The following PPP3R1 variants were observed in gnomAD, a reference collection of about 807,000 sequenced individuals.
PPP3R1 encodes calcineurin subunit B type 1.
PPP3R1 carries 5 observed loss-of-function variants against 22.6 expected under a neutral mutation model. The ratio of observed to expected loss-of-function variants is 0.22; its 90% CI spans 0.12 to 0.46. The LOEUF (loss-of-function observed/expected upper bound fraction) is 0.46. Ranked by LOEUF, PPP3R1 falls within the 20% of genes least tolerant of loss-of-function variation. The pLI is 0.99. For missense variants in PPP3R1, 61 were observed against 203.2 expected (o/e 0.30, Z 4.25); for synonymous variants, 56 against 65.2 (o/e 0.86, Z 0.68).
At chr2:68,211,406 CAA>C (rs3979551) in intron 2 of PPP3R1, among the ~76,000 whole-genome samples, 4 of 77,406 alleles carry the variant, frequency 5.2e-5, no homozygotes, top group Non-Finnish European at 6.9e-5. Flanking sequence ...GACTCTGTCT[CAA>C]AAAAAAAAAA....
chr2:68,200,366 C>T (rs1198701474), intron 2 of PPP3R1, among the ~76,000 whole-genome samples: 1 of 152,142 alleles, frequency 6.6e-6, no homozygotes, highest in African/African-American at 2.4e-5. Context: ...CTAAAAATGA[C>T]CAACACACTA....
intron 1 of PPP3R1, among the ~76,000 whole-genome samples, chr2:68,240,237 C>T (rs1037124516): frequency 3.3e-5 from 5 of 152,150 alleles, no homozygotes; most frequent in African/African-American, 9.7e-5. Flanking sequence ...AGACAAACGA[C>T]CTGTAACCAA....
chr2:68,215,290 A>T lies in PPP3R1; in HGVS notation c.43+1802T>A, dbSNP rs1316245866. Among the ~76,000 whole-genome samples, 4 of 151,564 alleles carry T rather than the reference A, an allele frequency of 2.6e-5. No individual in the cohort carries two copies. In the South Asian group the frequency reaches 8.3e-4, roughly 32 times the overall value. ...ACCCATGAACCTAAAATAAAAGTTT[A>T]AAAAAAAACATGAGGTACACCTATA... On this transcript the variant is annotated intron_variant, in intron 2 of 5. Transcript: ENST00000234310.
intron 2 of PPP3R1, among the ~76,000 whole-genome samples, chr2:68,198,285 G>A (rs13004649): frequency 0.72 from 95,556 of 133,182 alleles, 34,740 homozygotes; most frequent in African/African-American, 0.86. Context: ...ATGCATGTAT[G>A]TGTATACACA....
chr2:68,239,126 T>C (rs1670071680), intron 1 of PPP3R1, among the ~76,000 whole-genome samples: 2 of 152,164 alleles, frequency 1.3e-5, no homozygotes, highest in African/African-American at 4.8e-5. Context: ...AGTTGTGCAA[T>C]AAATTGTTCC....
chr2:68,198,266 CAT>C (rs202114062), intron 2 of PPP3R1, among the ~76,000 whole-genome samples: 2,228 of 144,658 alleles, frequency 0.015, 42 homozygotes, highest in Middle Eastern at 0.041. Context: ...TGTATACATA[CAT>C]ATGTGTATGC....
intron 1 of PPP3R1, among the ~76,000 whole-genome samples, chr2:68,221,044 A>C (rs1669679250): frequency 6.6e-6 from 1 of 151,946 alleles, no homozygotes; most frequent in Non-Finnish European, 1.5e-5. Flanking sequence ...CAAAAAATAC[A>C]AAAAAGGCCA....
chr2:68,225,009 C>A (rs577745252), intron 1 of PPP3R1, among the ~76,000 whole-genome samples: 3 of 152,260 alleles, frequency 2.0e-5, no homozygotes, highest in Non-Finnish European at 4.4e-5. Context: ...AGGCAACTGG[C>A]ATAATAAATA....
At chr2:68,202,669 C>T (rs1289410955) in intron 2 of PPP3R1, among the ~76,000 whole-genome samples, 1 of 151,944 alleles carries the variant, frequency 6.6e-6, no homozygotes, top group Non-Finnish European at 1.5e-5. Context: ...AGGTGATCCA[C>T]TTGCCTCGGT....
chr2:68,228,318 G>A lies in PPP3R1; in HGVS notation c.4-11187C>T, dbSNP rs144417332. 3.3e-5 allele frequency among the ~76,000 whole-genome samples: 5 copies of A among 152,228 alleles called. No individual in the cohort carries two copies. The South Asian group carries it at 6.2e-4, about 19-fold the overall frequency. On this transcript the variant is annotated intron_variant, in intron 1 of 5. Coordinates refer to ENST00000234310, the MANE Select transcript of PPP3R1 (RefSeq NM_000945.4). ...TTTTAAGGATTTCTGCATCTACACT[G>A]ACATGAGGATGTTGGTCCATAGTTA...
chr2:68,190,085 T>C (rs1674629373), intron 2 of PPP3R1, among the ~76,000 whole-genome samples: 1 of 150,682 alleles, frequency 6.6e-6, no homozygotes, highest in Admixed American at 6.6e-5. Flanking sequence ...TATATTAAAA[T>C]AGAACTATAT....
At chr2:68,232,740 G>C (rs111564554) in intron 1 of PPP3R1, among the ~76,000 whole-genome samples, 5,128 of 151,990 alleles carry the variant, frequency 0.034, 259 homozygotes, top group African/African-American at 0.11. Context: ...TCGAGTAGCT[G>C]GGATTACAGG....
chr2:68,203,364 G>A (rs1329380135), intron 2 of PPP3R1, among the ~76,000 whole-genome samples: 2 of 152,210 alleles, frequency 1.3e-5, no homozygotes, highest in South Asian at 2.1e-4. Context: ...CACTTTGGGA[G>A]GCCAAGGCGG....
At chr2:68,242,545 A>G (rs538271199) in intron 1 of PPP3R1, among the ~76,000 whole-genome samples, 2 of 152,352 alleles carry the variant, frequency 1.3e-5, no homozygotes, top group East Asian at 1.9e-4. Flanking sequence ...TCCTCTGATT[A>G]TAAGTTCACT....
chr2:68,186,407 T>G, intron 5 of PPP3R1, 61 bp downstream of exon 5: 1 of 1,452,804 alleles, frequency 6.9e-7, no homozygotes, highest in Non-Finnish European at 9.3e-7. Context: ...CTCTATTAAG[T>G]GGTTTTTAAA....
intron 1 of PPP3R1, among the ~76,000 whole-genome samples, chr2:68,234,259 C>T (rs936407116): frequency 2.6e-5 from 4 of 151,958 alleles, no homozygotes; most frequent in Middle Eastern, 3.4e-3. Flanking sequence ...AGGAGAATGG[C>T]GTGAACCTGG....
intron 2 of PPP3R1, among the ~76,000 whole-genome samples, chr2:68,210,802 T>C (rs1669462840): frequency 6.6e-6 from 1 of 152,096 alleles, no homozygotes; most frequent in Admixed American, 6.5e-5. Flanking sequence ...AAATCCAAAA[T>C]CCAAAATGTT....
At chr2:68,231,485 C>T (rs1669897213) in intron 1 of PPP3R1, among the ~76,000 whole-genome samples, 1 of 151,532 alleles carries the variant, frequency 6.6e-6, no homozygotes, top group Admixed American at 6.6e-5. Context: ...TAGTTGTTCT[C>T]GCTAGTAGTT....
At chr2:68,203,324 A>G (rs1300145107) in intron 2 of PPP3R1, among the ~76,000 whole-genome samples, 1 of 152,264 alleles carries the variant, frequency 6.6e-6, no homozygotes, top group Non-Finnish European at 1.5e-5. Flanking sequence ...TTTTAGGGCC[A>G]GGCACAGTGG....
Sources: gnomAD v4.1 joint callset for allele counts (sites outside exome capture counted in the v4.1 genomes callset) on GRCh38, gnomAD v4.1.1 for gene constraint, MANE v1.5 for transcripts, NCBI Gene and HGNC (gene_info 2026-07-23, HGNC 2026-07-21) for gene names.